Variants in REEP3 observed in about 807,000 individuals in gnomAD.
The protein encoded by REEP3 is receptor accessory protein 3.
In REEP3, 20 loss-of-function variants were observed where a neutral mutation model predicts 41.3. The ratio of observed to expected loss-of-function variants is 0.48; its 90% CI spans 0.34 to 0.70. The LOEUF is 0.70. Among genes scored for constraint, REEP3 ranks in the 30% least tolerant of loss-of-function variants. The pLI is 0.01. For synonymous variants in REEP3, 104 were observed against 101.8 expected (o/e 1.02, Z -0.13); for missense variants, 271 against 308.8 (o/e 0.88, Z 0.92).
chr10:63,557,548 A>G (rs1380252915), intron 1 of REEP3, among the ~76,000 whole-genome samples: 1 of 152,196 alleles, frequency 6.6e-6, no homozygotes. Context: ...CGTTAAATTT[A>G]TCAACAACAA....
chr10:63,550,337 G>A (rs545988477), intron 1 of REEP3, among the ~76,000 whole-genome samples: 5 of 152,174 alleles, frequency 3.3e-5, no homozygotes, highest in Non-Finnish European at 5.9e-5. Flanking sequence ...TACTTTGATT[G>A]TATCCAAGTT....
intron 1 of REEP3, among the ~76,000 whole-genome samples, chr10:63,533,841 G>A (rs1217253980): frequency 6.6e-6 from 1 of 151,356 alleles, no homozygotes; most frequent in African/African-American, 2.4e-5. Context: ...CCAGGTAGAT[G>A]GGGTTACAGG....
intron 1 of REEP3, among the ~76,000 whole-genome samples, chr10:63,531,205 A>G (rs1036465337): frequency 6.6e-6 from 1 of 152,248 alleles, no homozygotes; most frequent in African/African-American, 2.4e-5. Flanking sequence ...TAATGAGCAG[A>G]CCAGCTAACG....
At chr10:63,560,883 A>G (rs1017377040) in intron 1 of REEP3, among the ~76,000 whole-genome samples, 1 of 152,192 alleles carries the variant, frequency 6.6e-6, no homozygotes, top group African/African-American at 2.4e-5. Flanking sequence ...CAAGCCCCTC[A>G]AAACCCTAGA....
intron 2 of REEP3, among the ~76,000 whole-genome samples, chr10:63,568,650 A>ATTTTT (rs10622553): frequency 2.9e-4 from 32 of 109,138 alleles, no homozygotes; most frequent in Admixed American, 5.1e-4. Context: ...ACAACCCAGA[A>ATTTTT]TTTTTTTTTT....
At chr10:63,523,796 G>T (rs538235950) in intron 1 of REEP3, among the ~76,000 whole-genome samples, 1 of 152,350 alleles carries the variant, frequency 6.6e-6, no homozygotes, top group South Asian at 2.1e-4. Flanking sequence ...AAGCAAGCTG[G>T]AAAGGTAGCC....
chr10:63,562,623 GTA>G (rs1955751872), intron 1 of REEP3: 1 of 456,340 alleles, frequency 2.2e-6, no homozygotes, highest in African/African-American at 2.0e-5. Context: ...CAAGAGAAGC[GTA>G]TTCTTCCTGT....
rs1174252496 is a variant in REEP3, at chr10:63,623,080, G to A, written c.*2211G>A. On this transcript the variant is annotated 3_prime_UTR_variant, in exon 8 of 8. Coordinates refer to ENST00000373758, the MANE Select transcript of REEP3 (RefSeq NM_001001330.3). ...TAAACTCATATTACTGTTCTAAATT[G>A]AAGAAATTATTTATTACTCTGTACT... The A allele has an allele frequency of 6.6e-6, 1 of 152,230 alleles. No individual in the cohort carries two copies. Among genetic ancestry groups the A allele is most frequent in the East Asian group, 1.9e-4 (1 of 5,190 alleles). 9.4% of individuals were successfully genotyped at this position (152,230 alleles called of 1,614,324 possible). A position where few individuals can be genotyped will look rare whatever the true frequency, so the allele number is the denominator to read the frequency against.
intron 6 of REEP3, among the ~76,000 whole-genome samples, chr10:63,614,785 C>T (rs892558716): frequency 6.6e-6 from 1 of 152,198 alleles, no homozygotes; most frequent in African/African-American, 2.4e-5. Flanking sequence ...TACTCTTAGG[C>T]ACTTTTTATG....
At chr10:63,556,966 A>G (rs1955693594) in intron 1 of REEP3, among the ~76,000 whole-genome samples, 1 of 152,096 alleles carries the variant, frequency 6.6e-6, no homozygotes, top group South Asian at 2.1e-4. Context: ...GGGTCAAGCC[A>G]GGAAACTTGG....
At chr10:63,550,994 A>G (rs901874361) in intron 1 of REEP3, among the ~76,000 whole-genome samples, 3 of 152,210 alleles carry the variant, frequency 2.0e-5, no homozygotes, top group African/African-American at 7.2e-5. Flanking sequence ...AACATATAAA[A>G]CAGACAATTA....
chr10:63,560,823 C>T (rs964496989), intron 1 of REEP3, among the ~76,000 whole-genome samples: 11 of 152,104 alleles, frequency 7.2e-5, no homozygotes, highest in Admixed American at 5.9e-4. Context: ...GCTTTATGCC[C>T]AACCTCCCAG....
intron 2 of REEP3, among the ~76,000 whole-genome samples, chr10:63,593,230 T>A (rs1956082070): frequency 6.6e-6 from 1 of 152,238 alleles, no homozygotes; most frequent in African/African-American, 2.4e-5. Context: ...GCATCTGTAT[T>A]AAAACTAATA....
intron 1 of REEP3, among the ~76,000 whole-genome samples, chr10:63,550,508 T>A (rs892020938): frequency 6.6e-6 from 1 of 152,218 alleles, no homozygotes; most frequent in Non-Finnish European, 1.5e-5. Flanking sequence ...TTAATTTTCT[T>A]AGAAGTCTCT....
At chr10:63,549,915 G>A (rs1955612509) in intron 1 of REEP3, among the ~76,000 whole-genome samples, 1 of 152,106 alleles carries the variant, frequency 6.6e-6, no homozygotes. Flanking sequence ...TGGAACAGAT[G>A]GTTTATATAG....
chr10:63,605,172 T>C (rs1956212835), intron 5 of REEP3, among the ~76,000 whole-genome samples: 1 of 152,214 alleles, frequency 6.6e-6, no homozygotes, highest in Admixed American at 6.5e-5. Context: ...TATAAATATG[T>C]ATAAGTAGTT....
At chr10:63,594,713 A>G in intron 2 of REEP3, 65 bp from the exon 3 acceptor site, 2 of 944,930 alleles carry the variant, frequency 2.1e-6, no homozygotes, top group Admixed American at 1.7e-5. Context: ...ATACATACAT[A>G]CATATTATTC....
intron 1 of REEP3, among the ~76,000 whole-genome samples, chr10:63,554,151 A>T (rs1460400813): frequency 6.6e-6 from 1 of 152,008 alleles, no homozygotes; most frequent in Non-Finnish European, 1.5e-5. Flanking sequence ...CGTTATCTTT[A>T]AGTCAGTGGG....
At chr10:63,562,326 C>A (rs964149383) in intron 1 of REEP3, among the ~76,000 whole-genome samples, 2 of 150,742 alleles carry the variant, frequency 1.3e-5, no homozygotes, top group African/African-American at 4.9e-5. Context: ...GGCACGATCT[C>A]GGCTCATTGC....
Sources: allele counts gnomAD v4.1 joint callset (sites outside exome capture counted in the v4.1 genomes callset), GRCh38; gene constraint gnomAD v4.1.1; transcripts MANE v1.5; gene names NCBI Gene and HGNC (gene_info 2026-07-23, HGNC 2026-07-21).